Variants in WIPI2 observed in about 807,000 individuals in gnomAD.
WIPI2 encodes WD repeat domain, phosphoinositide interacting 2, also known as WD repeat domain phosphoinositide-interacting protein 2.
WIPI2 carries 28 observed loss-of-function variants against 52.3 expected under a neutral mutation model. The ratio of observed to expected loss-of-function variants is 0.54; its 90% CI spans 0.40 to 0.73. The LOEUF is 0.73. Among genes scored for constraint, WIPI2 ranks in the 30% least tolerant of loss-of-function variants. The pLI is 0.00. For synonymous variants in WIPI2, 268 were observed against 245.0 expected (o/e 1.09, Z -0.88); for missense variants, 506 against 602.9 (o/e 0.84, Z 1.68).
At position 5,227,097 on chromosome 7, in the gene WIPI2, G is replaced by T; in HGVS notation, c.849-83G>T. Reference sequence around the variant, plus strand: ...ATGGAGACTTTTGCTGTCGGCTCCAGAGCTGTGCGTCTGTGTGAGTAGGGG... The same window carrying T: ...ATGGAGACTTTTGCTGTCGGCTCCATAGCTGTGCGTCTGTGTGAGTAGGGG... On this transcript the variant is annotated intron_variant, in intron 9 of 12. Transcript: ENST00000288828. The surrounding 1 kb of genome is among the most constrained non-coding windows in gnomAD (Gnocchi z 8.1). 3 of 1,559,616 alleles carry T rather than the reference G, an allele frequency of 1.9e-6. No homozygotes were observed. Among genetic ancestry groups the T allele is most frequent in the South Asian group, 1.2e-5 (1 of 85,846 alleles).
At position 5,191,674 on chromosome 7, in the gene WIPI2, A is replaced by G. The variant is rs143224839; in HGVS notation, c.74+1181A>G. Among the ~76,000 whole-genome samples, 39 of 152,248 alleles carry G rather than the reference A, an allele frequency of 2.6e-4. 1 individual carries two copies. Among genetic ancestry groups the G allele is most frequent in the African/African-American group, 9.1e-4 (38 of 41,542 alleles). On this transcript the variant is annotated intron_variant, in intron 1 of 12. Transcript: ENST00000288828. ...GCCATCTTGGAAGTGAGTAAGAGGA[A>G]GTGAGGAAAGAGAAGGAGTGGGGCA...
At chr7:5,228,330 C>A in intron 11 of WIPI2, 119 bp downstream of exon 11, 2 of 949,380 alleles carry the variant, frequency 2.1e-6, no homozygotes, top group Non-Finnish European at 3.0e-6. Flanking sequence ...CAGATTCCAG[C>A]ACAGCGGCCC....
At chr7:5,198,069 A>G (rs1397551605) in intron 2 of WIPI2, among the ~76,000 whole-genome samples, 2 of 152,138 alleles carry the variant, frequency 1.3e-5, no homozygotes, top group Admixed American at 1.3e-4. Context: ...GGTGATGAGT[A>G]TGGACTCATA....
At chr7:5,226,142 C>T (rs993439836) in intron 9 of WIPI2, 7 of 571,210 alleles carry the variant, frequency 1.2e-5, no homozygotes, top group African/African-American at 7.5e-5. Flanking sequence ...ACAGGCAGCA[C>T]GCAGGGTAGA....
rs774108524 is a variant in WIPI2 at position 5,227,846 on chromosome 7, G to A, written c.1014-258G>A. Reference sequence around the variant, plus strand: ...TAGCATCCTGGAAAACTTCTCTGACGATGACTACCTATAATAATCCCAGAA... The same window carrying A: ...TAGCATCCTGGAAAACTTCTCTGACAATGACTACCTATAATAATCCCAGAA... On this transcript the variant is annotated intron_variant, in intron 10 of 12. Transcript: ENST00000288828. This position sits in a 1 kb window ranked among gnomAD's most constrained non-coding sequence, Gnocchi z 8.1. Among the ~76,000 whole-genome samples the A allele has an allele frequency of 2.0e-5, 3 of 152,122 alleles. No individual in the cohort carries two copies. Among genetic ancestry groups the A allele is most frequent in the South Asian group, 2.1e-4 (1 of 4,826 alleles).
intron 11 of WIPI2, among the ~76,000 whole-genome samples, chr7:5,228,885 C>A (rs11761408): frequency 0.78 from 118,895 of 151,854 alleles, 46,637 homozygotes; most frequent in East Asian, 0.96. Flanking sequence ...CACAGCACAT[C>A]CAGCTAATTA....
rs530216596 is a variant in WIPI2 at position 5,230,019 on chromosome 7, C to T, written c.1252+281C>T. ...TCCTCCTGGGCTCAAGTGATTCTCC[C>T]GCCTCAGCCTCCCACAGTGCTGGGA... On this transcript the variant is annotated intron_variant, in intron 12 of 12. Transcript: ENST00000288828. This position sits in a 1 kb window ranked among gnomAD's most constrained non-coding sequence, Gnocchi z 4.8. 1.3e-5 allele frequency among the ~76,000 whole-genome samples: 2 copies of T among 151,742 alleles called. No homozygotes were observed. The highest frequency in any genetic ancestry group is 2.4e-5 in the African/African-American group (1 of 41,342).
At chr7:5,214,344 C>T (rs994069110) in intron 3 of WIPI2, 191 bp from the exon 4 acceptor site, 10 of 1,582,740 alleles carry the variant, frequency 6.3e-6, no homozygotes, top group Non-Finnish European at 6.9e-6. Flanking sequence ...GGAAATGCTC[C>T]TGAGGCTCCA....
chr7:5,226,359 A>T (rs1033169932), intron 9 of WIPI2: 3 of 191,370 alleles, frequency 1.6e-5, no homozygotes, highest in African/African-American at 7.1e-5. Context: ...GTGTAGCATG[A>T]GGGGGGTCTT....
At chr7:5,226,175 G>A in intron 9 of WIPI2, 1 of 486,052 alleles carries the variant, frequency 2.1e-6, no homozygotes, top group Non-Finnish European at 3.7e-6. Flanking sequence ...GTAGGGCATG[G>A]AGGGCCCAGG....
chr7:5,222,598 A>G lies in WIPI2; in HGVS notation c.670-4A>G, dbSNP rs370419348. The G allele has an allele frequency of 1.9e-6, 3 of 1,613,672 alleles. No individual in the cohort carries two copies. The highest frequency in any genetic ancestry group is 1.3e-5 in the African/African-American group (1 of 75,026). ...AATTCTTCTTTTCTCTTTTCCTTCC[A>G]CAGGGGACCGTGATTAGGGTATTTT... On this transcript the variant is annotated splice_region_variant and splice_polypyrimidine_tract_variant and intron_variant, in intron 7 of 12. Coordinates refer to ENST00000288828, the MANE Select transcript of WIPI2 (RefSeq NM_015610.4).
chr7:5,208,067 C>T (rs1782378794), intron 3 of WIPI2, among the ~76,000 whole-genome samples: 1 of 152,136 alleles, frequency 6.6e-6, no homozygotes, highest in South Asian at 2.1e-4. Context: ...CACCCAGCCT[C>T]CTCACCAACT....
In WIPI2 at chr7:5,202,506, C is replaced by T. The variant is rs540406526; in HGVS notation, c.211+2848C>T. Among the ~76,000 whole-genome samples, 12 of 152,244 alleles carry T rather than the reference C, an allele frequency of 7.9e-5. No individual in the cohort carries two copies. In the South Asian group the frequency reaches 1.0e-3, roughly 13 times the overall value. On this transcript the variant is annotated intron_variant, in intron 3 of 12. Coordinates refer to ENST00000288828, the MANE Select transcript of WIPI2 (RefSeq NM_015610.4). ...TCAAGCGATCCTCCCTCCTCAGCCT[C>T]CTGAGTAGCTGGGACCACAGGCACA...
chr7:5,205,628 C>T (rs1782255970), intron 3 of WIPI2, among the ~76,000 whole-genome samples: 1 of 152,154 alleles, frequency 6.6e-6, no homozygotes, highest in Admixed American at 6.5e-5. Context: ...CCTTAGCCTC[C>T]TTAGTAGCTG....
intron 1 of WIPI2, 65 bp from the exon 2 acceptor site, chr7:5,193,053 A>T: frequency 6.7e-7 from 1 of 1,486,646 alleles, no homozygotes; most frequent in South Asian, 1.1e-5. Context: ...CTATCCTAAA[A>T]GTGTGCATAA....
chr7:5,216,960 C>A, intron 5 of WIPI2, 130 bp from the exon 6 acceptor site: 1 of 1,017,790 alleles, frequency 9.8e-7, no homozygotes, highest in Non-Finnish European at 1.4e-6. Flanking sequence ...CCTAACACAG[C>A]AAACAAGATT....
Position 5,193,104 on chromosome 7 carries a change from G to C in WIPI2, c.75-14G>C. The C allele has an allele frequency of 6.2e-7, 1 of 1,611,416 alleles. No individual in the cohort carries two copies. On this transcript the variant is annotated splice_polypyrimidine_tract_variant and intron_variant, in intron 1 of 12. Transcript: ENST00000288828. ...TACCATTTGTTTTTTGTTTTGTTTT[G>C]TTTTTTTACCTAGAGAAGTGAAAGG...
Position 5,231,005 on chromosome 7 carries a change from T to C in WIPI2, c.*58T>C. On this transcript the variant is annotated 3_prime_UTR_variant, in exon 13 of 13. Coordinates refer to ENST00000288828, the MANE Select transcript of WIPI2 (RefSeq NM_015610.4). ...AGAACACTGGCTTCACAGAGGACTTTGTGCATTGCTGCTATGAACTTTGAC... is the reference window on the plus strand; with the variant it reads ...AGAACACTGGCTTCACAGAGGACTTCGTGCATTGCTGCTATGAACTTTGAC... 3 of 1,449,774 alleles carry C rather than the reference T, an allele frequency of 2.1e-6. No individual in the cohort carries two copies. The highest frequency in any genetic ancestry group is 1.3e-5 in the South Asian group (1 of 79,300). The allele number at this position is 1,449,774 out of a possible 1,614,324, so 89.8% of individuals were successfully genotyped here.
chr7:5,228,859 GC>G (rs1783576379), intron 11 of WIPI2, among the ~76,000 whole-genome samples: 2 of 152,188 alleles, frequency 1.3e-5, no homozygotes, highest in Non-Finnish European at 2.9e-5. Flanking sequence ...CTCCCTAGTA[GC>G]TGGGACTACA....
Sources: gnomAD v4.1 joint callset for allele counts (sites outside exome capture counted in the v4.1 genomes callset) on GRCh38, gnomAD v4.1.1 for gene constraint, Gnocchi (gnomAD v3.1) non-coding constraint, MANE v1.5 for transcripts, NCBI Gene and HGNC (gene_info 2026-07-23, HGNC 2026-07-21) for gene names.